Variants in PLCG2 observed in about 807,000 individuals in gnomAD.
PLCG2 encodes the protein phospholipase C gamma 2.
A neutral mutation model predicts 175.6 loss-of-function variants in PLCG2; 69 were observed. The observed-to-expected ratio is 0.39, with a 90% CI of 0.32 to 0.48. The LOEUF is 0.48. Ranked by LOEUF, PLCG2 falls within the 20% of genes least tolerant of loss-of-function variation. PLCG2 has a pLI of 0.91. For missense variants in PLCG2, 1,798 were observed against 1,650.9 expected (o/e 1.09, Z -1.54); for synonymous variants, 827 against 624.0 (o/e 1.33, Z -4.85).
At chr16:81,804,697 A>G (rs1038049927) in intron 2 of PLCG2, among the ~76,000 whole-genome samples, 20 of 152,122 alleles carry the variant, frequency 1.3e-4, no homozygotes, top group African/African-American at 4.8e-4. Context: ...GGGAGTGTAT[A>G]TTTGGTGACC....
Position 81,958,800 on chromosome 16 carries a change from G to A in PLCG2, c.*802G>A, listed in dbSNP as rs1004572485. ...CATGGCCCTACTGAACTGGCTGGGA[G>A]GCTGCTGGAATGGCCCTTGGTCCAC... On this transcript the variant is annotated 3_prime_UTR_variant, in exon 33 of 33. Coordinates refer to ENST00000564138, the MANE Select transcript of PLCG2 (RefSeq NM_002661.5). 4.5e-5 allele frequency: 10 copies of A among 221,586 alleles called. No homozygotes were observed. The highest frequency in any genetic ancestry group is 9.0e-5 in the Non-Finnish European group (10 of 110,726). 13.7% of individuals were successfully genotyped at this position (221,586 alleles called of 1,614,324 possible). A position where few individuals can be genotyped will look rare whatever the true frequency, so the allele number is the denominator to read the frequency against.
Position 81,912,646 on chromosome 16 carries a change from A to C in PLCG2, c.1984A>C (p.Arg662=), listed in dbSNP as rs747251720. The part of the protein sequence containing the change: ...SRGEAEDMLM[R]IPRDGAFLIR... ...CGGAGAGGCAGAGGACATGCTGATG[A>C]GGATTCCCCGGGACGGGGCCTTCCT... is the stretch of plus-strand genomic sequence containing the variant. The change falls in exon 19 of 33, where the codon AGG becomes CGG. Residue 662 remains arginine (R), a synonymous_variant. Transcript: ENST00000564138. 2.7e-5 allele frequency: 43 copies of C among 1,613,238 alleles called. No homozygotes were observed. Among genetic ancestry groups the C allele is most frequent in the Non-Finnish European group, 3.6e-5 (42 of 1,179,812 alleles).
chr16:81,852,133 C>G (rs1031249483), intron 2 of PLCG2: 1 of 152,192 alleles, frequency 6.6e-6, no homozygotes, highest in African/African-American at 2.4e-5. Context: ...AAAGGTACAC[C>G]AGGGTTTGAT....
chr16:81,904,407 C>G (rs562481353), intron 14 of PLCG2, among the ~76,000 whole-genome samples: 1 of 152,236 alleles, frequency 6.6e-6, no homozygotes, highest in Admixed American at 6.5e-5. Flanking sequence ...AACTTACAGA[C>G]GCTTGCCTGC....
intron 30 of PLCG2, among the ~76,000 whole-genome samples, chr16:81,945,146 CGGAAA>C (rs1469796987): frequency 6.6e-6 from 1 of 151,974 alleles, no homozygotes; most frequent in East Asian, 1.9e-4. Flanking sequence ...TCATAAGCAG[CGGAAA>C]GTGAGAGATT....
intron 27 of PLCG2, chr16:81,937,447 T>C (rs763011346): frequency 1.4e-5 from 3 of 221,262 alleles, no homozygotes; most frequent in Non-Finnish European, 2.7e-5. Flanking sequence ...AGGTTAAAAA[T>C]TTATATTCAC....
intron 18 of PLCG2, among the ~76,000 whole-genome samples, chr16:81,911,082 G>C (rs1403700701): frequency 6.6e-6 from 1 of 152,078 alleles, no homozygotes; most frequent in Non-Finnish European, 1.5e-5. Flanking sequence ...GATTATAAGA[G>C]TCTCCCGCTG....
intron 2 of PLCG2, among the ~76,000 whole-genome samples, chr16:81,766,186 A>G (rs900581604): frequency 6.6e-6 from 1 of 152,026 alleles, no homozygotes; most frequent in African/African-American, 2.4e-5. Flanking sequence ...TCAAGAGGAA[A>G]TCCACCTACA....
chr16:81,887,850 G>A (rs969260071), intron 9 of PLCG2, among the ~76,000 whole-genome samples: 4 of 152,222 alleles, frequency 2.6e-5, no homozygotes, highest in African/African-American at 9.6e-5. Flanking sequence ...GAAAGCAACA[G>A]TTACTTAATA....
At chr16:81,853,187 C>A (rs1003053048) in intron 2 of PLCG2, among the ~76,000 whole-genome samples, 1 of 151,998 alleles carries the variant, frequency 6.6e-6, no homozygotes, top group African/African-American at 2.4e-5. Context: ...AAAAACTAGC[C>A]GGGCATGGTG....
chr16:81,955,223 G>A (rs1348662798), intron 31 of PLCG2, among the ~76,000 whole-genome samples: 1 of 152,164 alleles, frequency 6.6e-6, no homozygotes, highest in African/African-American at 2.4e-5. Context: ...TTACCCTGGG[G>A]ACTGTTTTGT....
chr16:81,879,421 C>T lies in PLCG2; in HGVS notation c.649-1489C>T, dbSNP rs137929451. Among the ~76,000 whole-genome samples the T allele has an allele frequency of 4.3e-4, 65 of 152,270 alleles. No homozygotes were observed. In the East Asian group the frequency reaches 8.7e-3, roughly 20 times the overall value. On this transcript the variant is annotated intron_variant, in intron 7 of 32. Transcript: ENST00000564138. ...AGTTTGCCTAAAAAGGCTAAGTTTG[C>T]GGCTCTTAACCTTTTGGTGGGACCT...
intron 22 of PLCG2, among the ~76,000 whole-genome samples, chr16:81,926,731 C>G (rs1289399635): frequency 6.6e-6 from 1 of 152,168 alleles, no homozygotes; most frequent in Non-Finnish European, 1.5e-5. Context: ...GCCTCCAGAA[C>G]CACCTTCTCT....
In PLCG2 at chr16:81,919,415, A is replaced by C. The variant is rs191323463; in HGVS notation, c.2055-69A>C. 13 of 1,228,334 alleles carry C rather than the reference A, an allele frequency of 1.1e-5. No homozygotes were observed. In the East Asian group the frequency reaches 3.0e-4, roughly 29 times the overall value. The allele number at this position is 1,228,334 out of a possible 1,614,324, so 76.1% of individuals were successfully genotyped here. On this transcript the variant is annotated intron_variant, in intron 19 of 32. Coordinates refer to ENST00000564138, the MANE Select transcript of PLCG2 (RefSeq NM_002661.5). Reference sequence around the variant, plus strand: ...GATAACTAGGTTGTATCTAATCAGTAGGGTTTGTGTAAAAATTGTTTGGCC... The same window carrying C: ...GATAACTAGGTTGTATCTAATCAGTCGGGTTTGTGTAAAAATTGTTTGGCC...
At chr16:81,824,286 A>C (rs5021608) in intron 2 of PLCG2, among the ~76,000 whole-genome samples, 100,687 of 151,758 alleles carry the variant, frequency 0.66, 33,872 homozygotes, top group East Asian at 0.91. Context: ...GGCATGCGTC[A>C]CCACACCTGG....
intron 7 of PLCG2, among the ~76,000 whole-genome samples, chr16:81,880,124 C>T (rs1050578176): frequency 1.3e-5 from 2 of 152,154 alleles, no homozygotes; most frequent in Non-Finnish European, 2.9e-5. Flanking sequence ...GCCTGTAGTC[C>T]TAGTTACGCA....
intron 2 of PLCG2, among the ~76,000 whole-genome samples, chr16:81,822,936 C>T (rs192940102): frequency 2.0e-4 from 31 of 152,278 alleles, no homozygotes; most frequent in African/African-American, 3.1e-4. Context: ...CAGGTTTTCC[C>T]TCGGAGCCTC....
chr16:81,766,714 A>C (rs1910158935), intron 2 of PLCG2: 1 of 152,174 alleles, frequency 6.6e-6, no homozygotes, highest in Non-Finnish European at 1.5e-5. Flanking sequence ...GTCCATTCTT[A>C]TATCCTCAGC....
chr16:81,767,051 C>G (rs1910165908), intron 2 of PLCG2: 1 of 151,080 alleles, frequency 6.6e-6, no homozygotes, highest in African/African-American at 2.4e-5. Context: ...ACAGCTGAGT[C>G]TTTCCCCAGA....
Sources: gnomAD v4.1 joint callset for allele counts (sites outside exome capture counted in the v4.1 genomes callset) on GRCh38, gnomAD v4.1.1 for gene constraint, MANE v1.5 for transcripts, NCBI Gene and HGNC (gene_info 2026-07-23, HGNC 2026-07-21) for gene names.